Variants in LTBP1 observed in about 807,000 individuals in gnomAD.
LTBP1 encodes the protein latent transforming growth factor beta binding protein 1.
LTBP1 carries 129 observed loss-of-function variants against 207.6 expected under a neutral mutation model. The ratio of observed to expected loss-of-function variants is 0.62; its 90% CI spans 0.54 to 0.72. The LOEUF is 0.72. Ranked by LOEUF, LTBP1 falls within the 30% of genes least tolerant of loss-of-function variation. The pLI is 0.00. For missense variants in LTBP1, 2,281 were observed against 2,217.2 expected, an observed-to-expected ratio of 1.03 and a Z score of -0.58; for synonymous variants, 963 against 833.7, an observed-to-expected ratio of 1.16 and a Z score of -2.67.
At chr2:33,086,774 C>A (rs188366474) in intron 3 of LTBP1, among the ~76,000 whole-genome samples, 20 of 152,014 alleles carry the variant, frequency 1.3e-4, no homozygotes, top group Admixed American at 4.6e-4. Context: ...AGCGTGATTT[C>A]TGTTGGCTCA....
At chr2:33,074,869 CAAAAAAAAAAAAAAAA>C (rs36211816) in intron 3 of LTBP1, among the ~76,000 whole-genome samples, 6 of 131,950 alleles carry the variant, frequency 4.5e-5, no homozygotes, top group Admixed American at 7.2e-5. Flanking sequence ...GACTCCATCT[CAAAAAAAAAAAAAAAA>C]AAAAAAAAAA....
intron 3 of LTBP1, among the ~76,000 whole-genome samples, chr2:33,095,151 T>A (rs969664962): frequency 6.6e-6 from 1 of 152,194 alleles, no homozygotes. Flanking sequence ...GGAAATGTGT[T>A]TTTAAGATAT....
chr2:33,382,159 A>C (rs936410803), intron 31 of LTBP1, among the ~76,000 whole-genome samples: 18 of 120,330 alleles, frequency 1.5e-4, no homozygotes, highest in African/African-American at 5.8e-4. Context: ...CAGTGGTGCG[A>C]TCTCGGTTCA....
chr2:33,366,716 G>A (rs2150125888), intron 31 of LTBP1, among the ~76,000 whole-genome samples: 1 of 152,322 alleles, frequency 6.6e-6, no homozygotes, highest in African/African-American at 2.4e-5. Context: ...GTCCTGTTGG[G>A]TTGTTGCAAG....
At chr2:32,950,599 C>T (rs1676955090) in intron 2 of LTBP1, among the ~76,000 whole-genome samples, 1 of 151,450 alleles carries the variant, frequency 6.6e-6, no homozygotes, top group African/African-American at 2.4e-5. Flanking sequence ...GTGGTGCATG[C>T]CTGTAATTGT....
In LTBP1 at chr2:33,033,210, T is replaced by C. The variant is rs916793659; in HGVS notation, c.863+12004T>C. Among the ~76,000 whole-genome samples, 3 of 150,612 alleles carry C rather than the reference T, an allele frequency of 2.0e-5. No homozygotes were observed. The South Asian group carries it at 6.3e-4, about 32-fold the overall frequency. On this transcript the variant is annotated intron_variant, in intron 3 of 33. Coordinates refer to ENST00000404816, the MANE Select transcript of LTBP1 (RefSeq NM_206943.4). ...GGAATGTTTCTTCCATCATTTCTAG[T>C]GTAAGTGGTTTTTTTTTTCATTTTT...
intron 3 of LTBP1, among the ~76,000 whole-genome samples, chr2:33,070,402 G>A (rs1187305012): frequency 6.6e-6 from 1 of 152,216 alleles, no homozygotes; most frequent in Non-Finnish European, 1.5e-5. Flanking sequence ...CTGCTGTCAG[G>A]CGGTGGGTGG....
chr2:33,338,840 T>A (rs1179018301), intron 24 of LTBP1, among the ~76,000 whole-genome samples: 1 of 151,332 alleles, frequency 6.6e-6, no homozygotes, highest in Non-Finnish European at 1.5e-5. Context: ...TGAGCCAGAG[T>A]GCAAATTGGG....
chr2:33,279,959 C>T, intron 18 of LTBP1, 80 bp from the exon 19 acceptor site: 2 of 1,488,470 alleles, frequency 1.3e-6, no homozygotes, highest in Non-Finnish European at 1.8e-6. Flanking sequence ...CATGCTTTCC[C>T]CCGCTGCCTT....
At chr2:33,193,991 T>C (rs768892288) in intron 7 of LTBP1, among the ~76,000 whole-genome samples, 4 of 151,890 alleles carry the variant, frequency 2.6e-5, no homozygotes, top group Non-Finnish European at 5.9e-5. Flanking sequence ...TTTTTATTTA[T>C]TTATTTATTT....
At position 32,947,361 on chromosome 2, in the gene LTBP1, TGGGCA is replaced by T; in HGVS notation, c.42_46del (p.Gly15ProfsTer138). 1 of 1,306,508 alleles carries T rather than the reference TGGGCA, an allele frequency of 7.7e-7. No homozygotes were observed. Among genetic ancestry groups the T allele is most frequent in the East Asian group, 3.2e-5 (1 of 31,400 alleles). The allele number at this position is 1,306,508 out of a possible 1,614,324, so 80.9% of individuals were successfully genotyped here. On this transcript the variant is annotated frameshift_variant, in exon 1 of 34. Transcript: ENST00000404816. LOFTEE classifies it high-confidence loss of function. ...CTGGCTCAGGTGGGGGCTCCTGCTC[TGGGCA>T]GGGCTCCTCGCGTCCTCGGCGCACG...
chr2:33,358,176 A>G (rs961952739), intron 26 of LTBP1, among the ~76,000 whole-genome samples: 1 of 152,160 alleles, frequency 6.6e-6, no homozygotes, highest in African/African-American at 2.4e-5. Flanking sequence ...TTTCAGCTGT[A>G]TAAACATTGA....
At chr2:33,101,007 G>A (rs2079700841) in intron 3 of LTBP1, among the ~76,000 whole-genome samples, 2 of 152,176 alleles carry the variant, frequency 1.3e-5, no homozygotes, top group African/African-American at 4.8e-5. Context: ...AGTGAACAGT[G>A]GAACATAAGT....
chr2:33,294,575 ATTT>A (rs1181582118), intron 20 of LTBP1, among the ~76,000 whole-genome samples: 13 of 124,870 alleles, frequency 1.0e-4, no homozygotes, highest in Admixed American at 1.7e-4. Context: ...ATTGGGTAAA[ATTT>A]TTTTTTTTTT....
At chr2:33,165,902 G>C (rs1355594938) in intron 5 of LTBP1, among the ~76,000 whole-genome samples, 1 of 152,154 alleles carries the variant, frequency 6.6e-6, no homozygotes, top group Non-Finnish European at 1.5e-5. Context: ...AAGCTGGTAG[G>C]TTTCCAGCTT....
intron 22 of LTBP1, among the ~76,000 whole-genome samples, chr2:33,306,052 G>T (rs376732335): frequency 1.7e-4 from 26 of 152,220 alleles, no homozygotes; most frequent in African/African-American, 5.8e-4. Context: ...GTGGTGGTAC[G>T]AAATAGTACC....
Position 33,141,314 on chromosome 2 carries a change from A to G in LTBP1, c.1201+6354A>G, listed in dbSNP as rs574315686. On this transcript the variant is annotated intron_variant, in intron 5 of 33. Coordinates refer to ENST00000404816, the MANE Select transcript of LTBP1 (RefSeq NM_206943.4). ...TGGAATGGGGAGTTGTTTAATGGGT[A>G]TAGAGTTTCAATTTTGCAAAATGAA... is the stretch of plus-strand genomic sequence containing the variant. 1.1e-4 allele frequency among the ~76,000 whole-genome samples: 17 copies of G among 152,328 alleles called. No individual in the cohort carries two copies. The Middle Eastern group carries it at 0.01, about 91-fold the overall frequency.
At chr2:33,195,427 C>T (rs2088436476) in intron 7 of LTBP1, among the ~76,000 whole-genome samples, 2 of 152,040 alleles carry the variant, frequency 1.3e-5, no homozygotes, top group African/African-American at 2.4e-5. Context: ...TGTCAAATCC[C>T]ACCCTTATGG....
intron 19 of LTBP1, chr2:33,291,510 GCTT>G (rs1035598759): frequency 6.6e-6 from 1 of 152,196 alleles, no homozygotes; most frequent in African/African-American, 2.4e-5. Context: ...CCAATGCTTG[GCTT>G]CTTCTTTCAA....
Sources: allele counts gnomAD v4.1 joint callset (sites outside exome capture counted in the v4.1 genomes callset), GRCh38; gene constraint gnomAD v4.1.1; transcripts MANE v1.5; gene names NCBI Gene and HGNC (gene_info 2026-07-23, HGNC 2026-07-21).